The following SNUPN variants were observed in gnomAD, a reference collection of about 807,000 sequenced individuals.
The protein encoded by SNUPN is snurportin 1.
A neutral mutation model predicts 39.2 loss-of-function variants in SNUPN; 31 were observed. The ratio of observed to expected loss-of-function variants is 0.79; its 90% CI spans 0.59 to 1.07. The LOEUF (loss-of-function observed/expected upper bound fraction) is 1.07. Among genes scored for constraint, SNUPN ranks in the 50% least tolerant of loss-of-function variants. The probability of loss-of-function intolerance (pLI) is 0.00; values close to 1 mark genes in which losing one functional copy is unlikely to be tolerated. For missense variants in SNUPN, 382 were observed against 434.2 expected, an observed-to-expected ratio of 0.88 and a Z score of 1.07; for synonymous variants, 132 against 159.0, an observed-to-expected ratio of 0.83 and a Z score of 1.28.
chr15:75,622,172 G>A (rs1027141034), intron 1 of SNUPN, among the ~76,000 whole-genome samples: 2 of 151,968 alleles, frequency 1.3e-5, no homozygotes, highest in African/African-American at 4.8e-5. Context: ...AGACCAACCT[G>A]GACAATGTAG....
intron 7 of SNUPN, among the ~76,000 whole-genome samples, chr15:75,602,139 C>T (rs891847665): frequency 8.6e-5 from 13 of 151,902 alleles, no homozygotes; most frequent in Admixed American, 5.2e-4. Flanking sequence ...ACCCGGGAGG[C>T]GGAGCTTGCA....
chr15:75,599,027 G>A (rs2075264623), intron 8 of SNUPN, among the ~76,000 whole-genome samples: 1 of 151,804 alleles, frequency 6.6e-6, no homozygotes, highest in Non-Finnish European at 1.5e-5. Context: ...AAATAGCCAG[G>A]CATGTGTGGC....
intron 3 of SNUPN, among the ~76,000 whole-genome samples, chr15:75,615,102 ATTTGT>A (rs925829815): frequency 1.3e-5 from 2 of 151,848 alleles, no homozygotes; most frequent in Non-Finnish European, 2.9e-5. Flanking sequence ...TTTCTTTTTT[ATTTGT>A]TTTATTTATT....
chr15:75,611,862 ACT>A, intron 3 of SNUPN, among the ~76,000 whole-genome samples: 1 of 152,018 alleles, frequency 6.6e-6, no homozygotes, highest in South Asian at 2.1e-4. Context: ...TCAAAAAAAA[ACT>A]TTTTGTCACT....
Position 75,619,022 on chromosome 15 carries a change from T to TA in SNUPN, c.159-1471dup, listed in dbSNP as rs35749195. ...GTATATAGTATACTGCTACTTGTGT[T>TA]AAAAAAAAAAAAAAAAAAAAAAAAA... is the stretch of plus-strand genomic sequence containing the variant. On this transcript the variant is annotated intron_variant, in intron 2 of 8. Coordinates refer to ENST00000308588, the MANE Select transcript of SNUPN (RefSeq NM_005701.4). Among the ~76,000 whole-genome samples, 540 of 74,376 alleles carry TA rather than the reference T, an allele frequency of 7.3e-3. 21 individuals are homozygous for TA. Among genetic ancestry groups the TA allele is most frequent in the East Asian group, 0.044 (102 of 2,296 alleles). The allele number at this position is 74,376 out of a possible 152,430, so 48.8% of individuals were successfully genotyped here. A position where few individuals can be genotyped will look rare whatever the true frequency, so the allele number is the denominator to read the frequency against.
At chr15:75,616,286 GTC>G (rs1567559261) in intron 3 of SNUPN, among the ~76,000 whole-genome samples, 1 of 151,648 alleles carries the variant, frequency 6.6e-6, no homozygotes, top group Non-Finnish European at 1.5e-5. Flanking sequence ...GTGAAACCCT[GTC>G]TCTACTAAAA....
At position 75,617,543 on chromosome 15, in the gene SNUPN, C is replaced by G; in HGVS notation, c.168G>C (p.Leu56=). 6.2e-7 allele frequency: 1 copy of G among 1,608,694 alleles called. No individual in the cohort carries two copies. The highest frequency in any genetic ancestry group is 1.1e-5 in the South Asian group (1 of 89,758). Reference sequence around the variant, plus strand: ...GTCTTCTGGCATGGTTCACATAATCCAGCCGCTTGCTGGAAGGAAAAAAAA... The same window carrying G: ...GTCTTCTGGCATGGTTCACATAATCGAGCCGCTTGCTGGAAGGAAAAAAAA... ...RLLELQKSKR[L]DYVNHARRLA... The change falls in exon 3 of 9, where the codon CTG becomes CTC. Residue 56 remains leucine (L), a synonymous_variant. Coordinates refer to ENST00000308588, the MANE Select transcript of SNUPN (RefSeq NM_005701.4).
At chr15:75,603,699 A>AACATACAG (rs1372180045) in intron 7 of SNUPN, among the ~76,000 whole-genome samples, 1 of 150,046 alleles carries the variant, frequency 6.7e-6, no homozygotes, top group Non-Finnish European at 1.5e-5. Flanking sequence ...AGCTGATTTT[A>AACATACAG]ACATACAGTC....
At chr15:75,616,522 T>C (rs1892943672) in intron 3 of SNUPN, among the ~76,000 whole-genome samples, 1 of 152,082 alleles carries the variant, frequency 6.6e-6, no homozygotes, top group African/African-American at 2.4e-5. Context: ...AACTCCTGGC[T>C]TCAAGTAATC....
At chr15:75,610,556 C>T (rs570016753) in intron 3 of SNUPN, among the ~76,000 whole-genome samples, 9 of 152,246 alleles carry the variant, frequency 5.9e-5, no homozygotes, top group Non-Finnish European at 1.2e-4. Context: ...TCTCCACCTG[C>T]AACCACACCA....
chr15:75,601,541 C>T (rs1169609229), intron 7 of SNUPN, among the ~76,000 whole-genome samples: 1 of 152,152 alleles, frequency 6.6e-6, no homozygotes, highest in Non-Finnish European at 1.5e-5. Flanking sequence ...TGCCACTGCA[C>T]TCCAGACTGG....
At position 75,598,187 on chromosome 15, in the gene SNUPN, C is replaced by T. The variant is rs1208792665; in HGVS notation, c.*171G>A. On this transcript the variant is annotated 3_prime_UTR_variant, in exon 9 of 9. Coordinates refer to ENST00000308588, the MANE Select transcript of SNUPN (RefSeq NM_005701.4). Reference sequence around the variant, plus strand: ...GAATGCTACGCAATCTGGGAACCTCCCCATAACTGTTTGAGCCAGCATTTC... The same window carrying T: ...GAATGCTACGCAATCTGGGAACCTCTCCATAACTGTTTGAGCCAGCATTTC... 1 of 598,146 alleles carries T rather than the reference C, an allele frequency of 1.7e-6. No individual in the cohort carries two copies. Among genetic ancestry groups the T allele is most frequent in the African/African-American group, 1.8e-5 (1 of 54,058 alleles). 37.1% of individuals were successfully genotyped at this position (598,146 alleles called of 1,614,324 possible).
In SNUPN at chr15:75,598,141, A is replaced by T; in HGVS notation, c.*217T>A. On this transcript the variant is annotated 3_prime_UTR_variant, in exon 9 of 9. Coordinates refer to ENST00000308588, the MANE Select transcript of SNUPN (RefSeq NM_005701.4). ...GGATCTGGGATACACTTATCACAGT[A>T]GGAGCTGCTCAAATCAATCTGAATG... 1 of 530,926 alleles carries T rather than the reference A, an allele frequency of 1.9e-6. No individual in the cohort carries two copies. Among genetic ancestry groups the T allele is most frequent in the Non-Finnish European group, 3.3e-6 (1 of 298,904 alleles). 32.9% of individuals were successfully genotyped at this position (530,926 alleles called of 1,614,324 possible).
chr15:75,603,541 G>C (rs1385522906), intron 7 of SNUPN, among the ~76,000 whole-genome samples: 1 of 150,716 alleles, frequency 6.6e-6, no homozygotes, highest in Non-Finnish European at 1.5e-5. Flanking sequence ...GGCGCCTATA[G>C]TCCCAGCTAC....
intron 1 of SNUPN, among the ~76,000 whole-genome samples, chr15:75,624,076 C>G (rs1055084303): frequency 7.4e-5 from 11 of 149,250 alleles, no homozygotes; most frequent in Non-Finnish European, 1.5e-4. Flanking sequence ...TACAGGCGCC[C>G]GCCACTACGC....
chr15:75,617,090 A>G (rs1047832588), intron 3 of SNUPN, among the ~76,000 whole-genome samples: 2 of 152,228 alleles, frequency 1.3e-5, no homozygotes, highest in Non-Finnish European at 2.9e-5. Context: ...TGACAAGGAT[A>G]TGGAGTGTGT....
chr15:75,622,301 G>A, intron 1 of SNUPN: 1 of 974,628 alleles, frequency 1.0e-6, no homozygotes, highest in Non-Finnish European at 1.2e-6. Flanking sequence ...GTTTTTGGGT[G>A]GGCAGAAAGA....
intron 7 of SNUPN, among the ~76,000 whole-genome samples, chr15:75,604,935 T>C (rs181294740): frequency 2.4e-3 from 358 of 152,300 alleles, no homozygotes; most frequent in African/African-American, 8.3e-3. Flanking sequence ...TATATCCTCA[T>C]AGCTTAGCTC....
intron 5 of SNUPN, among the ~76,000 whole-genome samples, chr15:75,609,196 T>TC (rs1892711677): frequency 7.0e-6 from 1 of 143,174 alleles, no homozygotes; most frequent in African/African-American, 2.6e-5. Flanking sequence ...TTTTTTTTTT[T>TC]TTTTGAGACG....
Sources: allele counts gnomAD v4.1 joint callset (sites outside exome capture counted in the v4.1 genomes callset), GRCh38; gene constraint gnomAD v4.1.1; transcripts MANE v1.5; gene names NCBI Gene and HGNC (gene_info 2026-07-23, HGNC 2026-07-21).